Variants in ZNF33A observed in about 807,000 individuals in gnomAD.
ZNF33A encodes brain my041 protein.
Under a neutral mutation model 15.9 loss-of-function variants are expected in ZNF33A, and 9 were observed. The observed-to-expected ratio is 0.57, with a 90% CI of 0.34 to 0.99. ZNF33A has a LOEUF of 0.99. Among genes scored for constraint, ZNF33A ranks in the 50% least tolerant of loss-of-function variants. The pLI is 0.02. For missense variants in ZNF33A, 843 were observed against 941.6 expected (o/e 0.90, Z 1.37); for synonymous variants, 294 against 324.2 (o/e 0.91, Z 1.00).
At position 38,055,051 on chromosome 10, in the gene ZNF33A, T is replaced by C. The variant is rs1362251917; in HGVS notation, c.927T>C (p.Asn309=). 1 of 1,614,088 alleles carries C rather than the reference T, an allele frequency of 6.2e-7. No individual in the cohort carries two copies. Among genetic ancestry groups the C allele is most frequent in the Non-Finnish European group, 8.5e-7 (1 of 1,179,998 alleles). Residue 309 remains asparagine, a synonymous_variant, in exon 5 of 5, where the codon AAT becomes AAC. Coordinates refer to ENST00000432900, the MANE Select transcript of ZNF33A (RefSeq NM_006954.2). ...ATGATTGTGGTGAAAGTGGGAATAA[T>C]TTCAGGAGGAAATTGTGTCTGTCAC... ...KHYDCGESGN[N]FRRKLCLSHL... is the part of the protein sequence containing the mutation.
In ZNF33A at chr10:38,056,446, A is replaced by C. The variant is rs770291896; in HGVS notation, c.2322A>C (p.Glu774Asp). 1 of 1,614,032 alleles carries C rather than the reference A, an allele frequency of 6.2e-7. No homozygotes were observed. The highest frequency in any genetic ancestry group is 8.5e-7 in the Non-Finnish European group (1 of 1,179,912). Residue 774 changes from glutamate to aspartate, a missense_variant, in exon 5 of 5, where the codon GAA (glutamate) becomes GAC (aspartate). Physicochemically the swap from Glu to Asp is conservative, Grantham distance 45. Transcript: ENST00000432900. ...LIVHQRRHIG[E>D]NLMNEMDIRN... ...TACATCAGAGAAGACATATAGGAGA[A>C]AACCTTATGAATGAAATGGATATTA...
downstream of ZNF33A, among the ~76,000 whole-genome samples, chr10:38,065,670 T>TCACCA (rs1227987484): frequency 4.6e-5 from 7 of 151,802 alleles, no homozygotes; most frequent in African/African-American, 1.7e-4. Flanking sequence ...GTGGGCTGGT[T>TCACCA]GCCAGTGCAC....
At chr10:38,060,945 A>G (rs1005100497), downstream of ZNF33A, among the ~76,000 whole-genome samples, 1 of 151,948 alleles carries the variant, frequency 6.6e-6, no homozygotes, top group Admixed American at 6.6e-5. Context: ...TCATGACTTG[A>G]CTTGGGCTCA....
chr10:38,058,230 A>G lies in ZNF33A; in HGVS notation c.*1670A>G, dbSNP rs1307774610. On this transcript the variant is annotated 3_prime_UTR_variant, in exon 5 of 5. Transcript: ENST00000432900. ...TTGAAAAGGTCAGTAAAATTGATAA[A>G]CCTCTAGCTAGCTTAAGAACAAACA... 1 of 202,538 alleles carries G rather than the reference A, an allele frequency of 4.9e-6. No homozygotes were observed. The highest frequency in any genetic ancestry group is 8.7e-6 in the Non-Finnish European group (1 of 114,456). 12.5% of individuals were successfully genotyped at this position (202,538 alleles called of 1,614,324 possible). A position where few individuals can be genotyped will look rare whatever the true frequency, so the allele number is the denominator to read the frequency against.
intron 4 of ZNF33A, among the ~76,000 whole-genome samples, chr10:38,046,465 CAGATT>C (rs1231533553): frequency 3.9e-5 from 6 of 152,106 alleles, no homozygotes. Context: ...AGCACTGCTC[CAGATT>C]TGCCTAAGAA....
Position 38,033,635 on chromosome 10 carries a change from A to T in ZNF33A, c.250+16249A>T, listed in dbSNP as rs146654656. ...TTTTTTATTAATATTAATATGTATT[A>T]TACCAATCCAGTAGTTGTAAAGAGG... is the stretch of plus-strand genomic sequence containing the variant. On this transcript the variant is annotated intron_variant, in intron 4 of 4. Coordinates refer to ENST00000432900, the MANE Select transcript of ZNF33A (RefSeq NM_006954.2). Among the ~76,000 whole-genome samples the T allele has an allele frequency of 2.6e-3, 390 of 152,074 alleles. 1 individual carries two copies. Among genetic ancestry groups the T allele is most frequent in the Admixed American group, 5.5e-3 (84 of 15,286 alleles).
intron 2 of ZNF33A, among the ~76,000 whole-genome samples, chr10:38,016,614 C>G (rs991260981): frequency 1.1e-4 from 17 of 152,180 alleles, no homozygotes; most frequent in African/African-American, 4.1e-4. Context: ...TCTTACCACT[C>G]TGTGTGTTCT....
chr10:38,054,554 T>A lies in ZNF33A; in HGVS notation c.430T>A (p.Ser144Thr), dbSNP rs1176901531. ...CAGAAAAATGTTCTGTCAGTGTGAT[T>A]CATGTGGAATGAGTTTCAACACTGT... is the stretch of plus-strand genomic sequence containing the variant. ...PSRKMFCQCD[S>T]CGMSFNTVSE... The change falls in exon 5 of 5, where the codon TCA (serine) becomes ACA (threonine). Residue 144 changes from serine to threonine, a missense_variant. By Grantham distance (58) the Ser-to-Thr change is moderately conservative. Coordinates refer to ENST00000432900, the MANE Select transcript of ZNF33A (RefSeq NM_006954.2). The A allele has an allele frequency of 1.9e-6, 3 of 1,612,162 alleles. No homozygotes were observed. In the African/African-American group the frequency reaches 4.0e-5, roughly 22 times the overall value.
downstream of ZNF33A, among the ~76,000 whole-genome samples, chr10:38,062,413 G>C (rs2066665655): frequency 6.6e-6 from 1 of 152,114 alleles, no homozygotes; most frequent in African/African-American, 2.4e-5. Context: ...TGCACATGAG[G>C]AATATGTTGG....
chr10:38,010,524 C>A, upstream of ZNF33A: 1 of 673,508 alleles, frequency 1.5e-6, no homozygotes, highest in Non-Finnish European at 2.7e-6. Context: ...ACTCAGACCG[C>A]ATCTGCCCAC....
chr10:38,039,476 C>T (rs1395859792), intron 4 of ZNF33A: 2 of 456,052 alleles, frequency 4.4e-6, no homozygotes, highest in Admixed American at 4.7e-5. Flanking sequence ...ATCCACCTGC[C>T]TTGGCCTCCC....
At chr10:38,064,996 A>G (rs2066696101), downstream of ZNF33A, 1 of 151,758 alleles carries the variant, frequency 6.6e-6, no homozygotes, top group Non-Finnish European at 1.5e-5. Context: ...AACTCTGAAT[A>G]GATAGTGACT....
chr10:38,031,338 G>C (rs1411965964), intron 4 of ZNF33A, among the ~76,000 whole-genome samples: 3 of 152,106 alleles, frequency 2.0e-5, no homozygotes, highest in Non-Finnish European at 4.4e-5. Flanking sequence ...GGGAGGCCAA[G>C]GTGGGTGGAT....
At position 38,018,914 on chromosome 10, in the gene ZNF33A, A is replaced by C. The variant is rs563058092; in HGVS notation, c.250+1528A>C. ...CCATGGCAAACTCACACTGTAATTA[A>C]ATTTTTGAAAACCAAAGACAAAAAT... On this transcript the variant is annotated intron_variant, in intron 4 of 4. Transcript: ENST00000432900. Among the ~76,000 whole-genome samples, 223 of 152,144 alleles carry C rather than the reference A, an allele frequency of 1.5e-3. 2 individuals are homozygous for C. Among genetic ancestry groups the C allele is most frequent in the Middle Eastern group, 3.4e-3 (1 of 294 alleles).
chr10:38,012,890 C>T (rs1362658400), intron 2 of ZNF33A, among the ~76,000 whole-genome samples: 1 of 152,166 alleles, frequency 6.6e-6, no homozygotes, highest in African/African-American at 2.4e-5. Flanking sequence ...AAGGAAGACA[C>T]TGGATACAGA....
At chr10:38,039,405 T>C in intron 4 of ZNF33A, 2 of 448,630 alleles carry the variant, frequency 4.5e-6, no homozygotes, top group South Asian at 3.1e-5. Context: ...TGTGTTTTTT[T>C]TTTGTAGAGA....
intron 4 of ZNF33A, among the ~76,000 whole-genome samples, chr10:38,041,859 G>T (rs1362595895): frequency 4.6e-5 from 7 of 151,894 alleles, no homozygotes; most frequent in South Asian, 2.1e-4. Context: ...TGTTGTTGTT[G>T]TTTTTTTACT....
At chr10:38,034,894 C>T (rs563041369) in intron 4 of ZNF33A, among the ~76,000 whole-genome samples, 3 of 152,222 alleles carry the variant, frequency 2.0e-5, no homozygotes, top group African/African-American at 7.2e-5. Flanking sequence ...GCTGACAGAA[C>T]AGGGAAATAC....
At chr10:38,036,615 T>C (rs2065466532) in intron 4 of ZNF33A, among the ~76,000 whole-genome samples, 1 of 152,030 alleles carries the variant, frequency 6.6e-6, no homozygotes, top group African/African-American at 2.4e-5. Context: ...AAAAAAAATC[T>C]ACAAGAAACC....
Sources: gnomAD v4.1 joint callset for allele counts (sites outside exome capture counted in the v4.1 genomes callset) on GRCh38, gnomAD v4.1.1 for gene constraint, MANE v1.5 for transcripts, NCBI Gene and HGNC (gene_info 2026-07-23, HGNC 2026-07-21) for gene names.